ALK: variants seen among roughly 807,000 people sequenced by gnomAD.
ALK encodes ALK receptor tyrosine kinase, also known as ALK tyrosine kinase receptor.
ALK carries 74 observed loss-of-function variants against 163.1 expected under a neutral mutation model. That is an observed-to-expected ratio of 0.45 (90% confidence interval 0.38 to 0.55). The LOEUF (loss-of-function observed/expected upper bound fraction) is 0.55. Ranked by LOEUF, ALK falls within the 20% of genes least tolerant of loss-of-function variation. The probability of loss-of-function intolerance (pLI) is 0.00; values close to 1 mark genes in which losing one functional copy is unlikely to be tolerated. For synonymous variants in ALK, 960 were observed against 843.2 expected, an observed-to-expected ratio of 1.14 and a Z score of -2.40; for missense variants, 2,063 against 2,105.3, an observed-to-expected ratio of 0.98 and a Z score of 0.39.
rs114991822 is a variant in ALK at position 29,227,517 on chromosome 2, G to A, written c.2914+57C>T. The A allele has an allele frequency of 0.014, 20,180 of 1,420,718 alleles. 187 individuals carry two copies. Among genetic ancestry groups the A allele is most frequent in the Non-Finnish European group, 0.017 (16,899 of 1,003,552 alleles). 88.0% of individuals were successfully genotyped at this position (1,420,718 alleles called of 1,614,324 possible). On this transcript the variant is annotated intron_variant, in intron 17 of 28. Transcript: ENST00000389048. This position sits in a 1 kb window ranked among gnomAD's most constrained non-coding sequence, Gnocchi z 4.4. ...ACAGGTCAGAGACTCTGAGGTTTTA[G>A]CTTGGTGGGAGGACTGACCTAAGCA...
At chr2:29,501,857 T>C (rs1672196918) in intron 4 of ALK, among the ~76,000 whole-genome samples, 2 of 152,150 alleles carry the variant, frequency 1.3e-5, no homozygotes, top group South Asian at 4.1e-4. Flanking sequence ...CCCCATTCCC[T>C]CCTACTCCCA....
intron 3 of ALK, among the ~76,000 whole-genome samples, chr2:29,581,108 G>T (rs1486686907): frequency 6.6e-6 from 1 of 152,184 alleles, no homozygotes; most frequent in Non-Finnish European, 1.5e-5. Flanking sequence ...GAGACAAAGT[G>T]GCCAGGCATG....
chr2:29,628,101 G>C (rs1021360005), intron 3 of ALK, among the ~76,000 whole-genome samples: 1 of 152,158 alleles, frequency 6.6e-6, no homozygotes, highest in Non-Finnish European at 1.5e-5. Context: ...GCCATCCCCA[G>C]CTATGTGTAA....
At chr2:29,377,138 T>C (rs1465936653) in intron 5 of ALK, among the ~76,000 whole-genome samples, 1 of 152,168 alleles carries the variant, frequency 6.6e-6, no homozygotes, top group East Asian at 1.9e-4. Context: ...TTTCATATTT[T>C]AAATAAGTGT....
At chr2:29,348,555 A>T (rs911776595) in intron 5 of ALK, among the ~76,000 whole-genome samples, 2 of 152,216 alleles carry the variant, frequency 1.3e-5, no homozygotes, top group African/African-American at 2.4e-5. Context: ...GGGCCATTTC[A>T]GTTAGCTAGT....
At chr2:29,516,622 T>C (rs142754567) in intron 4 of ALK, among the ~76,000 whole-genome samples, 139 of 152,306 alleles carry the variant, frequency 9.1e-4, no homozygotes, top group African/African-American at 3.2e-3. Context: ...CATCATATAG[T>C]GCAGTGGTGT....
chr2:29,603,132 T>C (rs2148215727), intron 3 of ALK, among the ~76,000 whole-genome samples: 1 of 152,212 alleles, frequency 6.6e-6, no homozygotes, highest in South Asian at 2.1e-4. Context: ...AGATAAGGGG[T>C]TACAGAGACC....
intron 3 of ALK, among the ~76,000 whole-genome samples, chr2:29,691,205 A>T (rs1253511235): frequency 6.6e-6 from 1 of 152,248 alleles, no homozygotes; most frequent in Non-Finnish European, 1.5e-5. Context: ...AACACCTCTC[A>T]GTGCCATTAC....
intron 4 of ALK, among the ~76,000 whole-genome samples, chr2:29,391,365 G>A (rs927355948): frequency 6.6e-6 from 1 of 151,040 alleles, no homozygotes; most frequent in Non-Finnish European, 1.5e-5. Flanking sequence ...GCAGTGGCAC[G>A]ATCTTGGCTC....
intron 5 of ALK, among the ~76,000 whole-genome samples, chr2:29,381,377 G>C (rs1301786462): frequency 6.6e-6 from 1 of 152,256 alleles, no homozygotes; most frequent in Non-Finnish European, 1.5e-5. Context: ...CACACACTGT[G>C]ATAAGTGTAA....
chr2:29,283,562 G>A (rs1323012068), intron 9 of ALK, among the ~76,000 whole-genome samples: 1 of 152,078 alleles, frequency 6.6e-6, no homozygotes, highest in Admixed American at 6.6e-5. Context: ...CTGACCAAAA[G>A]CATCTTTATG....
chr2:29,740,675 C>A (rs1680032573), intron 1 of ALK, among the ~76,000 whole-genome samples: 1 of 152,086 alleles, frequency 6.6e-6, no homozygotes, highest in African/African-American at 2.4e-5. Flanking sequence ...GTGGTACATC[C>A]CGATAATGAG....
At chr2:29,477,815 G>A (rs1374419426) in intron 4 of ALK, among the ~76,000 whole-genome samples, 1 of 152,192 alleles carries the variant, frequency 6.6e-6, no homozygotes, top group Admixed American at 6.5e-5. Context: ...TGCTTCCCTG[G>A]CCAGCACCAG....
intron 1 of ALK, among the ~76,000 whole-genome samples, chr2:29,738,067 G>A (rs1679944681): frequency 6.6e-6 from 1 of 152,004 alleles, no homozygotes; most frequent in Non-Finnish European, 1.5e-5. Context: ...GCAACAGCAA[G>A]CTAGAAAGAT....
chr2:29,494,246 G>A (rs1176484898), intron 4 of ALK, among the ~76,000 whole-genome samples: 1 of 152,214 alleles, frequency 6.6e-6, no homozygotes. Flanking sequence ...GATAATAATA[G>A]TATCAAGAGA....
chr2:29,309,969 C>T (rs902535647), intron 8 of ALK, among the ~76,000 whole-genome samples: 2 of 152,184 alleles, frequency 1.3e-5, no homozygotes, highest in Non-Finnish European at 2.9e-5. Context: ...ATAATAATTG[C>T]TGCCATTCAT....
At chr2:29,527,819 C>A (rs55869806) in intron 4 of ALK, among the ~76,000 whole-genome samples, 23,045 of 152,090 alleles carry the variant, frequency 0.15, 2,237 homozygotes, top group South Asian at 0.22. Context: ...CGGGTCTGAG[C>A]CTGCAGTTTG....
At chr2:29,634,353 C>T (rs561065996) in intron 3 of ALK, among the ~76,000 whole-genome samples, 17 of 152,242 alleles carry the variant, frequency 1.1e-4, no homozygotes, top group African/African-American at 4.1e-4. Context: ...AATATCCCTA[C>T]TGAATATAGA....
chr2:29,545,315 C>G (rs985808125), intron 3 of ALK, among the ~76,000 whole-genome samples: 1 of 152,204 alleles, frequency 6.6e-6, no homozygotes, highest in Non-Finnish European at 1.5e-5. Context: ...TCAAAGCAAA[C>G]TGGGGCCACT....
Sources: gnomAD v4.1 joint callset for allele counts (sites outside exome capture counted in the v4.1 genomes callset) on GRCh38, gnomAD v4.1.1 for gene constraint, Gnocchi (gnomAD v3.1) non-coding constraint, MANE v1.5 for transcripts, NCBI Gene and HGNC (gene_info 2026-07-23, HGNC 2026-07-21) for gene names.